FAM177A1: variants seen among roughly 807,000 people sequenced by gnomAD.
The protein encoded by FAM177A1 is family with sequence similarity 177 member A1, also known as protein FAM177A1.
Under a neutral mutation model 26.1 loss-of-function variants are expected in FAM177A1, and 22 were observed. The ratio of observed to expected loss-of-function variants is 0.84; its 90% CI spans 0.60 to 1.20. The LOEUF is 1.20. Among genes scored for constraint, FAM177A1 ranks in the 50% most tolerant of loss-of-function variants. The probability of loss-of-function intolerance (pLI) is 0.00; values close to 1 mark genes in which losing one functional copy is unlikely to be tolerated. For missense variants in FAM177A1, 296 were observed against 291.1 expected (o/e 1.02, Z -0.12); for synonymous variants, 95 against 99.3 (o/e 0.96, Z 0.26).
At chr14:35,080,942 C>G in intron 4 of FAM177A1, 80 bp from the exon 5 acceptor site, 2 of 1,248,492 alleles carry the variant, frequency 1.6e-6, no homozygotes, top group Non-Finnish European at 2.0e-6. Flanking sequence ...TAAACATAAG[C>G]TGACAGTGGG....
In FAM177A1 at chr14:35,053,817, C is replaced by T. The variant is rs140923197; in HGVS notation, c.339+366C>T. ...GAACAGCCTGGCCAACATGGCAAAA[C>T]GCCATCTCTACTAAAAATACAAAAA... is the stretch of plus-strand genomic sequence containing the variant. On this transcript the variant is annotated intron_variant, in intron 2 of 4. Transcript: ENST00000280987. Among the ~76,000 whole-genome samples the T allele has an allele frequency of 3.9e-4, 59 of 152,202 alleles. 3 individuals are homozygous for T. The East Asian group carries it at 8.1e-3, about 21-fold the overall frequency.
intron 3 of FAM177A1, among the ~76,000 whole-genome samples, chr14:35,077,773 C>T (rs1043733278): frequency 4.6e-5 from 7 of 152,164 alleles, no homozygotes; most frequent in East Asian, 1.9e-4. Context: ...TGAGCCACCG[C>T]GCCCGGCCTC....
In FAM177A1 at chr14:35,071,998, T is replaced by TAGG. The variant is rs549800870; in HGVS notation, c.340-5151_340-5149dup. ...AAGCTATAGAAAAGAAAATGTTGGCTAGGCGTGGTGGCTCATGCCTGTAAT... is the reference window on the plus strand; with the variant it reads ...AAGCTATAGAAAAGAAAATGTTGGCTAGGAGGCGTGGTGGCTCATGCCTGTAAT... On this transcript the variant is annotated intron_variant, in intron 2 of 4. Coordinates refer to ENST00000280987, the MANE Select transcript of FAM177A1 (RefSeq NM_173607.5). Among the ~76,000 whole-genome samples, 585 of 152,196 alleles carry TAGG rather than the reference T, an allele frequency of 3.8e-3. 6 individuals are homozygous for TAGG. The highest frequency in any genetic ancestry group is 0.014 in the African/African-American group (568 of 41,560).
chr14:35,074,129 T>G (rs1455105327), intron 2 of FAM177A1, among the ~76,000 whole-genome samples: 1 of 152,178 alleles, frequency 6.6e-6, no homozygotes, highest in African/African-American at 2.4e-5. Context: ...AATATATGTA[T>G]ATATGAAAGG....
intron 2 of FAM177A1, among the ~76,000 whole-genome samples, chr14:35,064,391 ACAAAC>A (rs1423436545): frequency 6.6e-6 from 1 of 151,698 alleles, no homozygotes; most frequent in East Asian, 1.9e-4. Context: ...TGTCTCGAAA[ACAAAC>A]AAACAAAAAA....
chr14:35,079,664 T>C (rs1440389169), intron 4 of FAM177A1, among the ~76,000 whole-genome samples: 1 of 152,158 alleles, frequency 6.6e-6, no homozygotes, highest in African/African-American at 2.4e-5. Flanking sequence ...ATGAGGAGAA[T>C]TGCAGCATCC....
intron 2 of FAM177A1, among the ~76,000 whole-genome samples, chr14:35,069,213 G>T (rs1229944240): frequency 6.6e-6 from 1 of 151,358 alleles, no homozygotes; most frequent in African/African-American, 2.4e-5. Context: ...ACCATTACCA[G>T]CCAGTTTGAA....
At chr14:35,046,688 C>T (rs1276423317) in intron 1 of FAM177A1, 60 bp downstream of exon 1, 11 of 1,484,554 alleles carry the variant, frequency 7.4e-6, no homozygotes, top group Admixed American at 4.6e-5. Flanking sequence ...GCCTTCTCCG[C>T]GGGCCGCTCT....
Position 35,046,377 on chromosome 14 carries a change from T to TAGGCGCGGCGCG in FAM177A1, c.-81_-70dup. 1 of 1,350,700 alleles carries TAGGCGCGGCGCG rather than the reference T, an allele frequency of 7.4e-7. No homozygotes were observed. The highest frequency in any genetic ancestry group is 9.6e-7 in the Non-Finnish European group (1 of 1,038,794). The allele number at this position is 1,350,700 out of a possible 1,614,324, so 83.7% of individuals were successfully genotyped here. ...CGAGTCCCCTTCTCAGAGACTTGGC[T>TAGGCGCGGCGCG]AGGCGCGGCGCGAGGCGGGCGCTGG... is the stretch of plus-strand genomic sequence containing the variant. On this transcript the variant is annotated 5_prime_UTR_variant, in exon 1 of 5. Transcript: ENST00000280987.
intron 3 of FAM177A1, among the ~76,000 whole-genome samples, chr14:35,077,672 C>A (rs1365470261): frequency 6.7e-6 from 1 of 150,238 alleles, no homozygotes; most frequent in African/African-American, 2.4e-5. Context: ...TTAGTAGAGA[C>A]GGGGTTTCAC....
chr14:35,047,100 A>G, intron 1 of FAM177A1: 2 of 769,606 alleles, frequency 2.6e-6, no homozygotes, highest in Non-Finnish European at 3.2e-6. Flanking sequence ...TGTTAGCCCC[A>G]TTTCACCGCC....
rs139575262 is a variant in FAM177A1 at position 35,060,795 on chromosome 14, G to A, written c.339+7344G>A. 5.4e-3 allele frequency among the ~76,000 whole-genome samples: 828 copies of A among 152,236 alleles called. 7 individuals carry two copies. The highest frequency in any genetic ancestry group is 0.019 in the African/African-American group (801 of 41,540). ...TGCTTTTTGTGGTTACCCATGGTCA[G>A]TTGTGCTCTGAAAATATTAAATGGA... is the stretch of plus-strand genomic sequence containing the variant. On this transcript the variant is annotated intron_variant, in intron 2 of 4. Coordinates refer to ENST00000280987, the MANE Select transcript of FAM177A1 (RefSeq NM_173607.5).
At chr14:35,050,590 A>G (rs984729144) in intron 1 of FAM177A1, among the ~76,000 whole-genome samples, 1 of 144,688 alleles carries the variant, frequency 6.9e-6, no homozygotes, top group African/African-American at 2.5e-5. Context: ...AATTAAGCCA[A>G]TGAGAGATTG....
At chr14:35,061,828 C>G (rs1370376784) in intron 2 of FAM177A1, among the ~76,000 whole-genome samples, 2 of 151,480 alleles carry the variant, frequency 1.3e-5, no homozygotes. Context: ...CTTGCCTCTG[C>G]TGCCTTATGA....
intron 1 of FAM177A1, among the ~76,000 whole-genome samples, chr14:35,052,423 G>A (rs1313831327): frequency 6.6e-6 from 1 of 151,620 alleles, no homozygotes; most frequent in Admixed American, 6.6e-5. Context: ...GGGTTTCACC[G>A]TGGTCTCGAT....
intron 2 of FAM177A1, among the ~76,000 whole-genome samples, chr14:35,054,042 T>G (rs975174481): frequency 9.2e-5 from 14 of 152,052 alleles, no homozygotes; most frequent in African/African-American, 3.4e-4. Context: ...CCAGTTCCTT[T>G]GATTTAAGGA....
chr14:35,061,770 A>T (rs561803095), intron 2 of FAM177A1, among the ~76,000 whole-genome samples: 6 of 104,166 alleles, frequency 5.8e-5, no homozygotes, highest in South Asian at 3.1e-4. Context: ...TAATAATATT[A>T]AAAAAAAAAG....
intron 1 of FAM177A1, chr14:35,047,046 C>T (rs923343338): frequency 1.0e-6 from 1 of 993,774 alleles, no homozygotes; most frequent in African/African-American, 1.7e-5. Context: ...AAACGTTTAC[C>T]AGCTTTAATT....
intron 2 of FAM177A1, among the ~76,000 whole-genome samples, chr14:35,072,612 T>A (rs1467602132): frequency 1.3e-5 from 2 of 152,214 alleles, no homozygotes; most frequent in Non-Finnish European, 2.9e-5. Context: ...ATTGCCTGTA[T>A]AGAAGGGTCC....
Sources: allele counts gnomAD v4.1 joint callset (sites outside exome capture counted in the v4.1 genomes callset), GRCh38; gene constraint gnomAD v4.1.1; transcripts MANE v1.5; gene names NCBI Gene and HGNC (gene_info 2026-07-23, HGNC 2026-07-21).